NCKAP5: variants seen among roughly 807,000 people sequenced by gnomAD.
NCKAP5 encodes nck-associated protein 5.
NCKAP5 carries 92 observed loss-of-function variants against 167.0 expected under a neutral mutation model. The ratio of observed to expected loss-of-function variants is 0.55; its 90% CI spans 0.47 to 0.66. The LOEUF is 0.66. Ranked by LOEUF, NCKAP5 falls within the 30% of genes least tolerant of loss-of-function variation. The pLI is 0.00. For missense variants in NCKAP5, 2,378 were observed against 2,315.0 expected, an observed-to-expected ratio of 1.03 and a Z score of -0.56; for synonymous variants, 891 against 877.4, an observed-to-expected ratio of 1.02 and a Z score of -0.27.
intron 8 of NCKAP5, 88 bp downstream of exon 8, chr2:132,963,632 A>T (rs1399941660): frequency 1.5e-6 from 2 of 1,361,276 alleles, no homozygotes; most frequent in African/African-American, 2.9e-5. Flanking sequence ...AAAAGGGAAG[A>T]TTTATACTCA....
chr2:133,505,214 T>C (rs1682895072), intron 3 of NCKAP5, among the ~76,000 whole-genome samples: 1 of 152,124 alleles, frequency 6.6e-6, no homozygotes, highest in African/African-American at 2.4e-5. Context: ...ATGCTCCATA[T>C]AAGAGGGTCT....
At chr2:133,304,305 T>A (rs1275671323) in intron 3 of NCKAP5, among the ~76,000 whole-genome samples, 1 of 152,212 alleles carries the variant, frequency 6.6e-6, no homozygotes, top group Non-Finnish European at 1.5e-5. Flanking sequence ...TTGAAAAGCC[T>A]TTTTTACCTT....
At chr2:133,354,353 C>T (rs766759957) in intron 3 of NCKAP5, among the ~76,000 whole-genome samples, 2 of 149,940 alleles carry the variant, frequency 1.3e-5, no homozygotes, top group Non-Finnish European at 3.0e-5. Flanking sequence ...AACTCCTGGG[C>T]TCTAGCAAAC....
At chr2:132,713,954 A>G (rs1194193569) in intron 19 of NCKAP5, among the ~76,000 whole-genome samples, 2 of 152,154 alleles carry the variant, frequency 1.3e-5, no homozygotes, top group Non-Finnish European at 2.9e-5. Context: ...ATTTATAATA[A>G]AATCCTGTTC....
intron 5 of NCKAP5, among the ~76,000 whole-genome samples, chr2:133,177,861 C>A (rs78780390): frequency 1.1e-3 from 167 of 152,278 alleles, no homozygotes; most frequent in Non-Finnish European, 1.9e-3. Flanking sequence ...CAGCCCACCC[C>A]CAACAATTCC....
At chr2:132,952,667 A>C (rs949714014) in intron 8 of NCKAP5, among the ~76,000 whole-genome samples, 1 of 152,224 alleles carries the variant, frequency 6.6e-6, no homozygotes, top group Non-Finnish European at 1.5e-5. Context: ...ATTGCAGACA[A>C]GTTCAGCTTC....
At chr2:132,859,522 A>C (rs2148708852) in intron 11 of NCKAP5, among the ~76,000 whole-genome samples, 1 of 152,324 alleles carries the variant, frequency 6.6e-6, no homozygotes, top group South Asian at 2.1e-4. Flanking sequence ...ATAGAAACTT[A>C]ATTTTAATTT....
intron 19 of NCKAP5, 68 bp downstream of exon 19, chr2:132,725,559 T>A (rs1315852716): frequency 2.0e-6 from 3 of 1,512,632 alleles, no homozygotes; most frequent in Non-Finnish European, 1.8e-6. Flanking sequence ...CCGAGCACAG[T>A]GAAAGGTATA....
rs529666183 is a variant in NCKAP5 at position 133,510,294 on chromosome 2, A to G, written c.69+7164T>C. Among the ~76,000 whole-genome samples, 10 of 152,090 alleles carry G rather than the reference A, an allele frequency of 6.6e-5. No homozygotes were observed. In the South Asian group the frequency reaches 1.9e-3, roughly 28 times the overall value. Reference sequence around the variant, plus strand: ...ACCAGGTTCTCCCTACTCTTCTCCCATTCTAGTCAATAACTCCACCTTGTA... The same window carrying G: ...ACCAGGTTCTCCCTACTCTTCTCCCGTTCTAGTCAATAACTCCACCTTGTA... On this transcript the variant is annotated intron_variant, in intron 3 of 19. Coordinates refer to ENST00000409261, the MANE Select transcript of NCKAP5 (RefSeq NM_207363.3).
chr2:132,773,778 A>T (rs1682299207), intron 16 of NCKAP5, 38 bp downstream of exon 16: 1 of 1,459,412 alleles, frequency 6.9e-7, no homozygotes, highest in African/African-American at 1.4e-5. Flanking sequence ...ATTTAGAATA[A>T]GTCTCCATAA....
chr2:133,432,303 A>C (rs73957096), intron 3 of NCKAP5, among the ~76,000 whole-genome samples: 7,739 of 152,302 alleles, frequency 0.051, 397 homozygotes, highest in East Asian at 0.27. Context: ...ACACAGAATT[A>C]AAAAACAAAT....
chr2:133,278,297 G>C (rs1358046625), intron 4 of NCKAP5, among the ~76,000 whole-genome samples: 1 of 152,172 alleles, frequency 6.6e-6, no homozygotes, highest in Non-Finnish European at 1.5e-5. Flanking sequence ...AAGATGTCAA[G>C]AGGACTGCAT....
At chr2:133,210,665 T>G (rs1262121044) in intron 5 of NCKAP5, among the ~76,000 whole-genome samples, 1 of 152,104 alleles carries the variant, frequency 6.6e-6, no homozygotes, top group Non-Finnish European at 1.5e-5. Context: ...ATAAATGAAT[T>G]CTAGGAGCAG....
chr2:132,911,150 G>T, intron 8 of NCKAP5: 1 of 214,920 alleles, frequency 4.7e-6, no homozygotes, highest in South Asian at 8.6e-5. Flanking sequence ...ATAGGGGCCT[G>T]ACCCACTCAG....
chr2:133,364,203 C>T (rs1401655947), intron 3 of NCKAP5, among the ~76,000 whole-genome samples: 3 of 152,100 alleles, frequency 2.0e-5, no homozygotes, highest in Admixed American at 6.5e-5. Context: ...AATTCAAAAC[C>T]TTGTCTGCTT....
intron 6 of NCKAP5, among the ~76,000 whole-genome samples, chr2:133,115,379 T>A (rs1398401889): frequency 6.6e-6 from 1 of 152,138 alleles, no homozygotes; most frequent in Non-Finnish European, 1.5e-5. Context: ...GTCATGAATA[T>A]GGATCCCACT....
chr2:133,207,320 C>A (rs2085997145), intron 5 of NCKAP5, among the ~76,000 whole-genome samples: 1 of 152,084 alleles, frequency 6.6e-6, no homozygotes, highest in South Asian at 2.1e-4. Context: ...ACCTACAGGG[C>A]TCTTTTGGGG....
chr2:133,074,355 C>T (rs535288118), intron 6 of NCKAP5, among the ~76,000 whole-genome samples: 32 of 128,196 alleles, frequency 2.5e-4, no homozygotes, highest in South Asian at 5.0e-4. Context: ...ACCAAAAAAC[C>T]GAAAATTTAA....
intron 6 of NCKAP5, among the ~76,000 whole-genome samples, chr2:133,115,796 T>TGTTC (rs1253176311): frequency 5.8e-5 from 7 of 121,042 alleles, no homozygotes; most frequent in African/African-American, 2.6e-4. Flanking sequence ...TATATATATA[T>TGTTC]ATATATATAT....
Sources: gnomAD v4.1 joint callset for allele counts (sites outside exome capture counted in the v4.1 genomes callset) on GRCh38, gnomAD v4.1.1 for gene constraint, MANE v1.5 for transcripts, NCBI Gene and HGNC (gene_info 2026-07-23, HGNC 2026-07-21) for gene names.